TCN2: variants seen among roughly 807,000 people sequenced by gnomAD.
The protein encoded by TCN2 is transcobalamin-2.
In TCN2, 34 loss-of-function variants were observed where a neutral mutation model predicts 48.6. The ratio of observed to expected loss-of-function variants is 0.70; its 90% CI spans 0.53 to 0.93. The LOEUF (loss-of-function observed/expected upper bound fraction) is 0.93. Ranked by LOEUF, TCN2 falls within the 40% of genes least tolerant of loss-of-function variation. The pLI is 0.00. For missense variants in TCN2, 652 were observed against 526.1 expected, an observed-to-expected ratio of 1.24 and a Z score of -2.34; for synonymous variants, 283 against 212.5, an observed-to-expected ratio of 1.33 and a Z score of -2.89.
At position 30,624,055 on chromosome 22, in the gene TCN2, C is replaced by CATATATATGTATACATATAT. The variant is rs1569047268; in HGVS notation, c.1222+973_1222+974insTATATATGTATACATATATA. ...ATGTATACATATATACACACACACA[C>CATATATATGTATACATATAT]ACACACATATATATATATATATATA... On this transcript the variant is annotated intron_variant, in intron 8 of 8. Transcript: ENST00000215838. Among the ~76,000 whole-genome samples, 45 of 17,364 alleles carry CATATATATGTATACATATAT rather than the reference C, an allele frequency of 2.6e-3. 5 individuals are homozygous for CATATATATGTATACATATAT. The highest frequency in any genetic ancestry group is 7.6e-3 in the East Asian group (10 of 1,316). The allele number at this position is 17,364 out of a possible 152,430, so 11.4% of individuals were successfully genotyped here.
chr22:30,623,275 T>C, intron 8 of TCN2, 192 bp downstream of exon 8: 1 of 556,222 alleles, frequency 1.8e-6, no homozygotes, highest in Non-Finnish European at 3.2e-6. Context: ...CTGTGGAAAT[T>C]CTAGGAAACC....
chr22:30,607,245 A>T lies in TCN2; in HGVS notation c.-87A>T. The T allele has an allele frequency of 1.4e-6, 2 of 1,407,390 alleles. No homozygotes were observed. The highest frequency in any genetic ancestry group is 2.3e-5 in the East Asian group (1 of 43,872). The allele number at this position is 1,407,390 out of a possible 1,614,324, so 87.2% of individuals were successfully genotyped here. A position where few individuals can be genotyped will look rare whatever the true frequency, so the allele number is the denominator to read the frequency against. ...GGAAGCTGCGTCTCTCGGAGCGGTG[A>T]CCAGCTGTGGTCAGGAGAGCCTCAG... is the stretch of plus-strand genomic sequence containing the variant. On this transcript the variant is annotated 5_prime_UTR_variant, in exon 1 of 9. Coordinates refer to ENST00000215838, the MANE Select transcript of TCN2 (RefSeq NM_000355.4).
In TCN2 at chr22:30,615,359, T is replaced by A; in HGVS notation, c.639T>A (p.Pro213=). 1 of 1,614,150 alleles carries A rather than the reference T, an allele frequency of 6.2e-7. No homozygotes were observed. Among genetic ancestry groups the A allele is most frequent in the Non-Finnish European group, 8.5e-7 (1 of 1,180,038 alleles). ...GTCTGAAGCGCTCAAACTTCAACCC[T>A]GGTCGGAGACAACGGATCACCATGG... ...FTCLKRSNFN[P]GRRQRITMAI... is the part of the protein sequence containing the mutation. Residue 213 remains proline, a synonymous_variant, in exon 5 of 9, where the codon CCT becomes CCA. Transcript: ENST00000215838.
At chr22:30,613,679 C>G (rs1342611880) in intron 3 of TCN2, among the ~76,000 whole-genome samples, 2 of 152,204 alleles carry the variant, frequency 1.3e-5, no homozygotes, top group African/African-American at 2.4e-5. Context: ...TAGTCTGTCT[C>G]TACTAGCTCT....
intron 3 of TCN2, among the ~76,000 whole-genome samples, chr22:30,613,555 A>G (rs1170614092): frequency 1.3e-5 from 2 of 152,200 alleles, no homozygotes; most frequent in East Asian, 3.8e-4. Flanking sequence ...CTGGGATTAC[A>G]GGCATGAGCC....
At chr22:30,610,849 T>G in intron 1 of TCN2, 22 bp from the exon 2 acceptor site, 1 of 1,614,148 alleles carries the variant, frequency 6.2e-7, no homozygotes, top group Non-Finnish European at 8.5e-7. Flanking sequence ...GTGACCTCAT[T>G]TGTACCATTT....
chr22:30,618,761 C>T (rs560634873), intron 7 of TCN2, among the ~76,000 whole-genome samples: 156 of 152,282 alleles, frequency 1.0e-3, no homozygotes, highest in Non-Finnish European at 1.9e-3. Context: ...TACAGGCATG[C>T]ACCACCACAC....
Position 30,626,690 on chromosome 22 carries a change from A to C in TCN2, c.*169A>C. 1.8e-5 allele frequency: 13 copies of C among 717,644 alleles called. No homozygotes were observed. The highest frequency in any genetic ancestry group is 2.7e-5 in the East Asian group (1 of 36,400). 44.5% of individuals were successfully genotyped at this position (717,644 alleles called of 1,614,324 possible). On this transcript the variant is annotated 3_prime_UTR_variant, in exon 9 of 9. Coordinates refer to ENST00000215838, the MANE Select transcript of TCN2 (RefSeq NM_000355.4). ...ACAAGCCCTTCGAGGGCCCTATACC[A>C]TGGCCCACCTTGGAGCAGAGAGCCA...
intron 8 of TCN2, among the ~76,000 whole-genome samples, chr22:30,625,722 C>T (rs1051847044): frequency 7.2e-5 from 11 of 152,096 alleles, no homozygotes; most frequent in African/African-American, 1.7e-4. Context: ...CCTTGGCCTC[C>T]CAAAGTGCTG....
intron 6 of TCN2, among the ~76,000 whole-genome samples, chr22:30,616,025 T>TTGGA (rs34383530): frequency 0.021 from 3,213 of 149,458 alleles, 35 homozygotes; most frequent in South Asian, 0.031. Flanking sequence ...ACAGAAATGT[T>TTGGA]TGGATGGATG....
chr22:30,622,066 C>G (rs2087707957), intron 7 of TCN2, among the ~76,000 whole-genome samples: 1 of 152,232 alleles, frequency 6.6e-6, no homozygotes, highest in Non-Finnish European at 1.5e-5. Flanking sequence ...CAGCTCACTG[C>G]AACCTCTACG....
chr22:30,607,875 A>C (rs189726248), intron 1 of TCN2, among the ~76,000 whole-genome samples: 16 of 151,172 alleles, frequency 1.1e-4, no homozygotes, highest in African/African-American at 3.9e-4. Context: ...AAAAATAAAA[A>C]AAATTAAAAA....
At chr22:30,610,623 C>G (rs193076357) in intron 1 of TCN2, among the ~76,000 whole-genome samples, 63 of 152,054 alleles carry the variant, frequency 4.1e-4, no homozygotes, top group African/African-American at 1.5e-3. Flanking sequence ...GCAGTAGCAT[C>G]CTCTATCTTC....
chr22:30,619,991 C>CA (rs1453366774), intron 7 of TCN2, among the ~76,000 whole-genome samples: 2 of 152,030 alleles, frequency 1.3e-5, no homozygotes, highest in African/African-American at 4.8e-5. Context: ...GCCATCTCTT[C>CA]AAAAAAATTT....
rs1020053144 is a variant in TCN2, at chr22:30,624,092, T to G, written c.1222+1009T>G. Among the ~76,000 whole-genome samples the G allele has an allele frequency of 1.6e-4, 20 of 128,798 alleles. 4 individuals carry two copies. The highest frequency in any genetic ancestry group is 6.2e-4 in the African/African-American group (20 of 32,504). 84.5% of individuals were successfully genotyped at this position (128,798 alleles called of 152,430 possible). On this transcript the variant is annotated intron_variant, in intron 8 of 8. Coordinates refer to ENST00000215838, the MANE Select transcript of TCN2 (RefSeq NM_000355.4). Reference sequence around the variant, plus strand: ...TATATATATATATATTTTTTTTTTTTGAGATGGAGTCTTGCTCTGTTGCCC... The same window carrying G: ...TATATATATATATATTTTTTTTTTTGGAGATGGAGTCTTGCTCTGTTGCCC...
chr22:30,613,863 C>G (rs5749133), intron 3 of TCN2, among the ~76,000 whole-genome samples: 1 of 152,312 alleles, frequency 6.6e-6, no homozygotes, highest in East Asian at 1.9e-4. Context: ...TCCCACACAC[C>G]TGCCCTCTGT....
At chr22:30,620,015 G>A (rs1386866480) in intron 7 of TCN2, among the ~76,000 whole-genome samples, 5 of 152,114 alleles carry the variant, frequency 3.3e-5, no homozygotes, top group African/African-American at 1.2e-4. Flanking sequence ...TAATTAGCTG[G>A]GCATGATGGT....
At chr22:30,609,022 G>C (rs905341843) in intron 1 of TCN2, among the ~76,000 whole-genome samples, 1 of 151,832 alleles carries the variant, frequency 6.6e-6, no homozygotes, top group Non-Finnish European at 1.5e-5. Flanking sequence ...TTCCTCCTCG[G>C]TGTAGTACAA....
rs2087528941 is a variant in TCN2 at position 30,610,909 on chromosome 22, G to A, written c.103G>A (p.Gly35Ser). ...EMDSHLVEKL[G>S]QHLLPWMDRL... is the part of the protein sequence containing the mutation. ...GGACAGCCATCTGGTAGAGAAGTTG[G>A]GCCAGCACCTCTTACCTTGGATGGA... The change falls in exon 2 of 9, where the codon GGC becomes AGC. Residue 35 changes from glycine (G) to serine (S), a missense_variant. Coordinates refer to ENST00000215838, the MANE Select transcript of TCN2 (RefSeq NM_000355.4). 2 of 1,614,112 alleles carry A rather than the reference G, an allele frequency of 1.2e-6. No individual in the cohort carries two copies. Among genetic ancestry groups the A allele is most frequent in the Middle Eastern group, 1.6e-4 (1 of 6,062 alleles).
Sources: gnomAD v4.1 joint callset for allele counts (sites outside exome capture counted in the v4.1 genomes callset) on GRCh38, gnomAD v4.1.1 for gene constraint, MANE v1.5 for transcripts, NCBI Gene and HGNC (gene_info 2026-07-23, HGNC 2026-07-21) for gene names.